TMEM108: variants seen among roughly 807,000 people sequenced by gnomAD.
TMEM108 encodes transmembrane protein 108, also known as cancer/testis antigen 124.
Under a neutral mutation model 35.1 loss-of-function variants are expected in TMEM108, and 12 were observed. The observed-to-expected ratio is 0.34, with a 90% CI of 0.22 to 0.55. The LOEUF is 0.55. Among genes scored for constraint, TMEM108 ranks in the 20% least tolerant of loss-of-function variants. The pLI, the probability that TMEM108 is intolerant of heterozygous loss-of-function variation, is 0.89. For synonymous variants in TMEM108, 287 were observed against 308.6 expected, an observed-to-expected ratio of 0.93 and a Z score of 0.73; for missense variants, 680 against 753.3, an observed-to-expected ratio of 0.90 and a Z score of 1.14.
chr3:133,370,499 G>C (rs1347909406), intron 3 of TMEM108, among the ~76,000 whole-genome samples: 1 of 152,106 alleles, frequency 6.6e-6, no homozygotes, highest in East Asian at 1.9e-4. Context: ...TGTCTCTCTG[G>C]TTCTCTACTG....
At chr3:133,110,985 C>T (rs1271146598) in intron 2 of TMEM108, among the ~76,000 whole-genome samples, 1 of 152,154 alleles carries the variant, frequency 6.6e-6, no homozygotes, top group Admixed American at 6.6e-5. Flanking sequence ...AGGCCATAGT[C>T]CTTTTGAGGT....
chr3:133,077,934 G>A (rs1351985396), intron 2 of TMEM108, among the ~76,000 whole-genome samples: 6 of 152,116 alleles, frequency 3.9e-5, no homozygotes, highest in Non-Finnish European at 2.9e-5. Flanking sequence ...GGACAGCCCG[G>A]GGGCATTCAG....
At chr3:133,383,926 T>C (rs1425298757) in intron 4 of TMEM108, among the ~76,000 whole-genome samples, 1 of 152,202 alleles carries the variant, frequency 6.6e-6, no homozygotes, top group African/African-American at 2.4e-5. Flanking sequence ...ATCAGCTCCA[T>C]GTCCTCAGTC....
At chr3:133,095,292 G>A (rs976820402) in intron 2 of TMEM108, among the ~76,000 whole-genome samples, 3 of 152,138 alleles carry the variant, frequency 2.0e-5, no homozygotes, top group African/African-American at 7.2e-5. Flanking sequence ...CTCAGCCTGT[G>A]TAGAAAGCTT....
chr3:133,382,482 C>A (rs866432310), intron 4 of TMEM108, among the ~76,000 whole-genome samples: 3 of 152,254 alleles, frequency 2.0e-5, no homozygotes, highest in Non-Finnish European at 4.4e-5. Context: ...CCATCTGCCC[C>A]CTCTGGGGTA....
At chr3:133,394,827 A>C (rs1380087050) in intron 5 of TMEM108, among the ~76,000 whole-genome samples, 1 of 151,942 alleles carries the variant, frequency 6.6e-6, no homozygotes, top group Non-Finnish European at 1.5e-5. Context: ...AGCAGTAAGT[A>C]CTCCTCAGAA....
In TMEM108 at chr3:133,091,919, T is replaced by C. The variant is rs1215262178; in HGVS notation, c.-47+45899T>C. Among the ~76,000 whole-genome samples the C allele has an allele frequency of 3.3e-5, 5 of 152,200 alleles. No homozygotes were observed. In the East Asian group the frequency reaches 9.6e-4, roughly 29 times the overall value. On this transcript the variant is annotated intron_variant, in intron 2 of 5. Coordinates refer to ENST00000321871, the MANE Select transcript of TMEM108 (RefSeq NM_023943.4). ...AAGAGCATGAATGTATCATGATTGTTTTGAGCCTCTCAGAGAAAACGCATT... is the reference window on the plus strand; with the variant it reads ...AAGAGCATGAATGTATCATGATTGTCTTGAGCCTCTCAGAGAAAACGCATT...
intron 3 of TMEM108, among the ~76,000 whole-genome samples, chr3:133,274,526 T>TC (rs1946813197): frequency 6.6e-6 from 1 of 152,158 alleles, no homozygotes; most frequent in Non-Finnish European, 1.5e-5. Flanking sequence ...CTTTGTTTTG[T>TC]CCCCCAAAGT....
At chr3:133,197,247 C>G (rs1399152670) in intron 2 of TMEM108, among the ~76,000 whole-genome samples, 1 of 152,090 alleles carries the variant, frequency 6.6e-6, no homozygotes, top group Non-Finnish European at 1.5e-5. Flanking sequence ...TTTGTATTAC[C>G]TTTGGAGGGC....
At position 133,070,745 on chromosome 3, in the gene TMEM108, A is replaced by ATGTGTGTGTGTGTGTGTGTG. The variant is rs10530634; in HGVS notation, c.-47+24733_-47+24752dup. ...TTGCAGTGAATGCTTTCTCTGATGT[A>ATGTGTGTGTGTGTGTGTGTG]TGTGTGTGTGTGTGTGTGTGTGTGT... On this transcript the variant is annotated intron_variant, in intron 2 of 5. Coordinates refer to ENST00000321871, the MANE Select transcript of TMEM108 (RefSeq NM_023943.4). 1.5e-4 allele frequency among the ~76,000 whole-genome samples: 23 copies of ATGTGTGTGTGTGTGTGTGTG among 148,420 alleles called. No homozygotes were observed. The South Asian group carries it at 4.8e-3, about 31-fold the overall frequency.
rs1228502857 is a variant in TMEM108 at position 133,380,924 on chromosome 3, G to C, written c.1213G>C (p.Val405Leu). The change falls in exon 4 of 6, where the codon GTG (valine) becomes CTG (leucine). Residue 405 changes from valine (V) to leucine (L), a missense_variant. Physicochemically the swap from Val to Leu is conservative, Grantham distance 32 (BLOSUM62 1). Transcript: ENST00000321871. The surrounding 1 kb of genome is among the most constrained non-coding windows in gnomAD (Gnocchi z 5.3). ...TATTTCTGGAGCCAAGGAGGAGACT[G>C]TGGCCACCCTCACCATGACCGACCG... Reference protein sequence around the residue: ...STISGAKEETVATLTMTDRVP... With the variant: ...STISGAKEETLATLTMTDRVP... The C allele has an allele frequency of 1.2e-6, 2 of 1,614,204 alleles. No individual in the cohort carries two copies. The highest frequency in any genetic ancestry group is 2.2e-5 in the South Asian group (2 of 91,084).
intron 2 of TMEM108, among the ~76,000 whole-genome samples, chr3:133,181,910 T>G (rs1320830767): frequency 1.3e-5 from 2 of 152,208 alleles, no homozygotes; most frequent in East Asian, 3.9e-4. Context: ...CCTGAAAATT[T>G]GAAGATGGTT....
rs77174761 is a variant in TMEM108 at position 133,320,899 on chromosome 3, A to G, written c.41-58853A>G. Reference sequence around the variant, plus strand: ...CAAACAAAATAATTGCTAGCCAAGAATTTTGTATTGAGCAAAAACTAAGCT... The same window carrying G: ...CAAACAAAATAATTGCTAGCCAAGAGTTTTGTATTGAGCAAAAACTAAGCT... On this transcript the variant is annotated intron_variant, in intron 3 of 5. Transcript: ENST00000321871. Among the ~76,000 whole-genome samples the G allele has an allele frequency of 9.6e-3, 1,459 of 152,356 alleles. 19 individuals carry two copies. Among genetic ancestry groups the G allele is most frequent in the South Asian group, 0.044 (212 of 4,826 alleles).
chr3:133,314,547 C>T (rs919873727), intron 3 of TMEM108, among the ~76,000 whole-genome samples: 1 of 152,206 alleles, frequency 6.6e-6, no homozygotes, highest in African/African-American at 2.4e-5. Flanking sequence ...CCCTCATTCT[C>T]CAAGTCACTT....
intron 2 of TMEM108, among the ~76,000 whole-genome samples, chr3:133,209,209 T>G (rs954817528): frequency 5.1e-5 from 3 of 58,710 alleles, no homozygotes; most frequent in Non-Finnish European, 1.2e-4. Flanking sequence ...ACCTGGCTAA[T>G]TTTTTTTTTT....
chr3:133,046,366 CAT>C (rs1943340713), intron 2 of TMEM108, among the ~76,000 whole-genome samples: 1 of 152,170 alleles, frequency 6.6e-6, no homozygotes, highest in Non-Finnish European at 1.5e-5. Flanking sequence ...ATAGCCATGT[CAT>C]ATGTTAGCTC....
chr3:133,191,957 G>C (rs941554300), intron 2 of TMEM108, among the ~76,000 whole-genome samples: 2 of 152,130 alleles, frequency 1.3e-5, no homozygotes, highest in African/African-American at 4.8e-5. Context: ...GTGCTGACAT[G>C]CCAGAGTGGC....
intron 1 of TMEM108, among the ~76,000 whole-genome samples, chr3:133,044,395 C>T (rs1001071483): frequency 4.6e-5 from 7 of 152,156 alleles, no homozygotes; most frequent in Non-Finnish European, 1.0e-4. Context: ...CCAGACTAAA[C>T]ATATCCTAAA....
At chr3:133,329,658 T>A (rs1459707978) in intron 3 of TMEM108, among the ~76,000 whole-genome samples, 3 of 152,186 alleles carry the variant, frequency 2.0e-5, no homozygotes, top group African/African-American at 4.8e-5. Flanking sequence ...GCCTCCTTTT[T>A]TTTATTTATT....
Sources: allele counts gnomAD v4.1 joint callset (sites outside exome capture counted in the v4.1 genomes callset), GRCh38; gene constraint gnomAD v4.1.1; non-coding constraint Gnocchi (gnomAD v3.1); transcripts MANE v1.5; gene names NCBI Gene and HGNC (gene_info 2026-07-23, HGNC 2026-07-21).